ASPH: variants seen among roughly 807,000 people sequenced by gnomAD.
ASPH encodes aspartate beta-hydroxylase, also known as aspartyl/asparaginyl beta-hydroxylase.
A neutral mutation model predicts 118.4 loss-of-function variants in ASPH; 100 were observed. That is an observed-to-expected ratio of 0.84 (90% CI 0.72 to 1.00). The LOEUF is 1.00. Among genes scored for constraint, ASPH ranks in the 50% least tolerant of loss-of-function variants. The pLI is 0.00. For synonymous variants in ASPH, 315 were observed against 325.6 expected, an observed-to-expected ratio of 0.97 and a Z score of 0.35; for missense variants, 920 against 919.5, an observed-to-expected ratio of 1.00 and a Z score of -0.01.
intron 14 of ASPH, chr8:61,607,222 C>A: frequency 1.4e-6 from 1 of 694,816 alleles, no homozygotes; most frequent in South Asian, 1.5e-5. Flanking sequence ...TTATTCAGTT[C>A]CCCCTTCCAT....
At chr8:61,676,382 T>C in intron 3 of ASPH, 1 of 1,445,286 alleles carries the variant, frequency 6.9e-7, no homozygotes, top group East Asian at 2.4e-5. Flanking sequence ...AAAAAAGAAG[T>C]GGAGGAAGGG....
chr8:61,579,005 G>A, intron 15 of ASPH: 3 of 1,610,792 alleles, frequency 1.9e-6, no homozygotes, highest in Admixed American at 1.7e-5. Flanking sequence ...TCATTGCTGA[G>A]GTCAAGGCAC....
intron 3 of ASPH, chr8:61,663,579 C>T: frequency 3.0e-6 from 3 of 985,326 alleles, no homozygotes; most frequent in Non-Finnish European, 3.6e-6. Flanking sequence ...AGTTAGTGCC[C>T]TGTATCTGCC....
chr8:61,556,704 C>G (rs1431079889), intron 18 of ASPH, among the ~76,000 whole-genome samples: 1 of 152,076 alleles, frequency 6.6e-6, no homozygotes, highest in African/African-American at 2.4e-5. Flanking sequence ...TAGTGAGAAA[C>G]CAGAACAACA....
chr8:61,577,411 A>G (rs1835646470), intron 15 of ASPH, among the ~76,000 whole-genome samples: 1 of 148,452 alleles, frequency 6.7e-6, no homozygotes, highest in Admixed American at 6.7e-5. Flanking sequence ...AAAAAAAAAA[A>G]AAAAAAAAAA....
chr8:61,631,268 G>C (rs1269462870), intron 13 of ASPH, among the ~76,000 whole-genome samples: 1 of 151,968 alleles, frequency 6.6e-6, no homozygotes, highest in African/African-American at 2.4e-5. Context: ...TCTACAGTAG[G>C]GTACAGTAAT....
intron 14 of ASPH, among the ~76,000 whole-genome samples, chr8:61,618,129 G>A (rs1335173070): frequency 6.6e-6 from 1 of 151,896 alleles, no homozygotes; most frequent in Non-Finnish European, 1.5e-5. Flanking sequence ...TGAATTAAAG[G>A]CCTACTTCTC....
chr8:61,624,346 A>G, intron 13 of ASPH: 1 of 985,398 alleles, frequency 1.0e-6, no homozygotes, highest in Non-Finnish European at 1.2e-6. Flanking sequence ...CTTCCTGGCA[A>G]TGTAGCATGA....
intron 1 of ASPH, among the ~76,000 whole-genome samples, chr8:61,695,867 A>C (rs1242487730): frequency 6.6e-6 from 1 of 152,238 alleles, no homozygotes; most frequent in African/African-American, 2.4e-5. Context: ...TTTAGAAATA[A>C]GGGAGCAACT....
In ASPH at chr8:61,602,060, T is replaced by C. The variant is rs1267407102; in HGVS notation, c.976+16918A>G. On this transcript the variant is annotated intron_variant, in intron 14 of 24. Coordinates refer to ENST00000379454, the MANE Select transcript of ASPH (RefSeq NM_004318.4). Reference sequence around the variant, plus strand: ...TATCAAATATGTAATAAAGAAATCATACATAAATTCTTAAAGAGAAGGGGT... The same window carrying C: ...TATCAAATATGTAATAAAGAAATCACACATAAATTCTTAAAGAGAAGGGGT... Among the ~76,000 whole-genome samples, 3 of 151,354 alleles carry C rather than the reference T, an allele frequency of 2.0e-5. 1 individual carries two copies. The highest frequency in any genetic ancestry group is 4.1e-4 in the South Asian group (2 of 4,826).
intron 21 of ASPH, among the ~76,000 whole-genome samples, chr8:61,534,444 G>T (rs1818729330): frequency 2.6e-5 from 4 of 151,872 alleles, no homozygotes; most frequent in African/African-American, 7.3e-5. Context: ...TCAAAGTAAT[G>T]ATATTCCACA....
intron 14 of ASPH, among the ~76,000 whole-genome samples, chr8:61,601,966 A>C (rs893430554): frequency 2.6e-5 from 4 of 151,542 alleles, no homozygotes; most frequent in Non-Finnish European, 5.9e-5. Context: ...CAGTCAAATA[A>C]ATAAAGCTTA....
chr8:61,593,647 T>C (rs1841795670), intron 14 of ASPH, among the ~76,000 whole-genome samples: 1 of 152,200 alleles, frequency 6.6e-6, no homozygotes, highest in African/African-American at 2.4e-5. Flanking sequence ...GTTGGCTGCC[T>C]TCCCATAGGG....
intron 5 of ASPH, among the ~76,000 whole-genome samples, chr8:61,647,409 G>T (rs1001341767): frequency 6.6e-6 from 1 of 152,176 alleles, no homozygotes; most frequent in Non-Finnish European, 1.5e-5. Flanking sequence ...GGCAGCTCAC[G>T]CCTATAATCC....
In ASPH at chr8:61,567,273, G is replaced by C; in HGVS notation, c.1195C>G (p.Arg399Gly). Residue 399 changes from arginine to glycine, a missense_variant, in exon 17 of 25, where the codon CGT becomes GGT. Arg to Gly is a moderately radical substitution (Grantham distance 125). Transcript: ENST00000379454. ...TCTTGGTAGGTCTCGATGGCTCCAC[G>C]TAGCACCTCATTACTTCTCCTCTTC... Reference protein sequence around the residue: ...AEKRRSNEVLRGAIETYQEVA... With the variant: ...AEKRRSNEVLGGAIETYQEVA... 1 of 1,613,990 alleles carries C rather than the reference G, an allele frequency of 6.2e-7. No homozygotes were observed. Among genetic ancestry groups the C allele is most frequent in the Non-Finnish European group, 8.5e-7 (1 of 1,179,978 alleles).
chr8:61,633,633 G>A, intron 13 of ASPH, 50 bp downstream of exon 13: 1 of 1,470,932 alleles, frequency 6.8e-7, no homozygotes, highest in Non-Finnish European at 9.3e-7. Context: ...ATATTAACAG[G>A]ATTTTTAAGG....
chr8:61,512,517 C>A (rs1025422522), intron 24 of ASPH, among the ~76,000 whole-genome samples: 1 of 152,184 alleles, frequency 6.6e-6, no homozygotes, highest in African/African-American at 2.4e-5. Context: ...AAGGAACAAC[C>A]CTGCCAACAC....
chr8:61,674,061 T>C (rs1227740528), intron 3 of ASPH, among the ~76,000 whole-genome samples: 3 of 152,232 alleles, frequency 2.0e-5, no homozygotes, highest in African/African-American at 7.2e-5. Context: ...GATGAAAAAT[T>C]AGTAATTTCA....
At chr8:61,655,987 T>C (rs1431984197) in intron 3 of ASPH, 1 of 152,166 alleles carries the variant, frequency 6.6e-6, no homozygotes, top group Non-Finnish European at 1.5e-5. Flanking sequence ...TATGGAAGAA[T>C]TTGCCGTACA....
Sources: gnomAD v4.1 joint callset for allele counts (sites outside exome capture counted in the v4.1 genomes callset) on GRCh38, gnomAD v4.1.1 for gene constraint, MANE v1.5 for transcripts, NCBI Gene and HGNC (gene_info 2026-07-23, HGNC 2026-07-21) for gene names.